The following NSMCE2 variants were observed in gnomAD, a reference collection of about 807,000 sequenced individuals.
NSMCE2 encodes the protein NSE2 SUMO ligase component of SMC5/6 complex.
A neutral mutation model predicts 23.8 loss-of-function variants in NSMCE2; 24 were observed. The ratio of observed to expected loss-of-function variants is 1.01; its 90% confidence interval spans 0.73 to 1.42. The LOEUF (loss-of-function observed/expected upper bound fraction) is 1.42, where lower values mean the gene tolerates loss of function less well. Among genes scored for constraint, NSMCE2 ranks in the 40% most tolerant of loss-of-function variants. The pLI is 0.00. For synonymous variants in NSMCE2, 92 were observed against 94.1 expected (o/e 0.98, Z 0.13); for missense variants, 284 against 296.5 (o/e 0.96, Z 0.31).
At chr8:125,265,831 C>G (rs191010387) in intron 5 of NSMCE2, among the ~76,000 whole-genome samples, 20 of 152,214 alleles carry the variant, frequency 1.3e-4, no homozygotes, top group African/African-American at 4.6e-4. Context: ...TTTAAATTTT[C>G]TCAGACTTGT....
intron 3 of NSMCE2, among the ~76,000 whole-genome samples, chr8:125,144,404 C>T (rs146309212): frequency 1.3e-5 from 2 of 152,340 alleles, no homozygotes; most frequent in African/African-American, 4.8e-5. Flanking sequence ...ATCTTCTGCT[C>T]TCCTATCTGC....
Position 125,224,897 on chromosome 8 carries a change from A to G in NSMCE2, c.418+42641A>G, listed in dbSNP as rs142541014. ...CTATTACGTAAACTGCCTCTTGTTG[A>G]TTGACTTTATTGAGGAAAAAGAAAA... On this transcript the variant is annotated intron_variant, in intron 5 of 7. Coordinates refer to ENST00000287437, the MANE Select transcript of NSMCE2 (RefSeq NM_173685.4). Among the ~76,000 whole-genome samples, 612 of 152,286 alleles carry G rather than the reference A, an allele frequency of 4.0e-3. 7 individuals carry two copies. Among genetic ancestry groups the G allele is most frequent in the African/African-American group, 0.013 (537 of 41,568 alleles).
At chr8:125,254,201 C>T (rs934422564) in intron 5 of NSMCE2, among the ~76,000 whole-genome samples, 2 of 152,124 alleles carry the variant, frequency 1.3e-5, no homozygotes, top group African/African-American at 4.8e-5. Context: ...TTGAAACACT[C>T]TGTGTTTCAG....
intron 5 of NSMCE2, among the ~76,000 whole-genome samples, chr8:125,319,935 G>A (rs1430643741): frequency 6.6e-6 from 1 of 152,018 alleles, no homozygotes; most frequent in African/African-American, 2.4e-5. Context: ...TAGCACTTTG[G>A]GAGGCCAAGG....
chr8:125,171,337 A>G (rs369953883), intron 4 of NSMCE2, among the ~76,000 whole-genome samples: 6 of 152,326 alleles, frequency 3.9e-5, no homozygotes, highest in African/African-American at 1.4e-4. Flanking sequence ...ATAGGCTCTA[A>G]GTAAATAGTT....
chr8:125,114,892 A>G (rs567101376), intron 3 of NSMCE2, among the ~76,000 whole-genome samples: 120 of 152,300 alleles, frequency 7.9e-4, no homozygotes, highest in Non-Finnish European at 1.1e-3. Flanking sequence ...GGTAAATAAT[A>G]CTTGGACCTT....
chr8:125,288,467 T>A (rs1827982184), intron 5 of NSMCE2, among the ~76,000 whole-genome samples: 1 of 152,200 alleles, frequency 6.6e-6, no homozygotes, highest in South Asian at 2.1e-4. Flanking sequence ...TCTGAGCTAT[T>A]TCTGTTGATT....
chr8:125,206,001 A>G (rs2130872479), intron 5 of NSMCE2, among the ~76,000 whole-genome samples: 1 of 152,368 alleles, frequency 6.6e-6, no homozygotes, highest in South Asian at 2.1e-4. Flanking sequence ...TTATATACAG[A>G]GATTTCTGTG....
chr8:125,315,195 G>A (rs141208611), intron 5 of NSMCE2, among the ~76,000 whole-genome samples: 1 of 152,230 alleles, frequency 6.6e-6, no homozygotes, highest in East Asian at 1.9e-4. Context: ...GTAGGGACAG[G>A]AGAAGTAGAT....
intron 5 of NSMCE2, among the ~76,000 whole-genome samples, chr8:125,295,221 A>G (rs918245672): frequency 2.0e-5 from 3 of 152,044 alleles, no homozygotes; most frequent in African/African-American, 7.2e-5. Context: ...CCAGTTTTTC[A>G]TCCATCTCTT....
At chr8:125,340,065 A>G (rs1433719807) in intron 5 of NSMCE2, among the ~76,000 whole-genome samples, 3 of 108,972 alleles carry the variant, frequency 2.8e-5, no homozygotes, top group Admixed American at 3.0e-4. Context: ...CCCAGGCGGG[A>G]GTGCAGTGGC....
At chr8:125,122,789 T>G (rs1259267965) in intron 3 of NSMCE2, among the ~76,000 whole-genome samples, 3 of 152,182 alleles carry the variant, frequency 2.0e-5, no homozygotes, top group African/African-American at 7.2e-5. Flanking sequence ...TACTTTAGCA[T>G]AAGGTATTCT....
chr8:125,176,253 A>G (rs925086731), intron 4 of NSMCE2, among the ~76,000 whole-genome samples: 28 of 152,208 alleles, frequency 1.8e-4, no homozygotes, highest in African/African-American at 5.3e-4. Flanking sequence ...TGCTCTTGCT[A>G]GAGTCTCTAG....
intron 3 of NSMCE2, among the ~76,000 whole-genome samples, chr8:125,150,405 C>CTTTTTTTTT (rs1245189892): frequency 9.5e-6 from 1 of 104,910 alleles, no homozygotes; most frequent in Admixed American, 9.4e-5. Context: ...TTTCTTTTTT[C>CTTTTTTTTT]TTTTTTTCTT....
At chr8:125,354,577 G>T (rs544507574) in intron 5 of NSMCE2, among the ~76,000 whole-genome samples, 1 of 152,222 alleles carries the variant, frequency 6.6e-6, no homozygotes, top group South Asian at 2.1e-4. Flanking sequence ...AAGCCCCGAG[G>T]CACTGCACCT....
chr8:125,142,449 G>T (rs1820426261), intron 3 of NSMCE2, among the ~76,000 whole-genome samples: 1 of 152,046 alleles, frequency 6.6e-6, no homozygotes, highest in Admixed American at 6.6e-5. Flanking sequence ...TGTGTTGGCG[G>T]GTAAACTAAA....
rs368883776 is a variant in NSMCE2 at position 125,102,381 on chromosome 8, C to T, written c.51C>T (p.Phe17=). 5.6e-6 allele frequency: 9 copies of T among 1,613,426 alleles called. No homozygotes were observed. The African/African-American group carries it at 1.1e-4, about 19-fold the overall frequency. Residue 17 remains phenylalanine (F), a synonymous_variant, in exon 3 of 8, where the codon TTC becomes TTT. Transcript: ENST00000287437. ...SNSGSTGFIS[F]SGVESALSSL... ...CAGGTTCAACTGGTTTCATCTCCTT[C>T]AGTGGTGTAGAGTCTGCTCTCTCCT...
At chr8:125,092,231 G>C (rs1047880855) in intron 1 of NSMCE2, among the ~76,000 whole-genome samples, 14 of 152,136 alleles carry the variant, frequency 9.2e-5, no homozygotes, top group African/African-American at 3.4e-4. Flanking sequence ...GCCACGGGAA[G>C]GTCGTTTGAA....
In NSMCE2 at chr8:125,182,198, T is replaced by A; in HGVS notation, c.360T>A (p.Phe120Leu). The A allele has an allele frequency of 6.2e-7, 1 of 1,608,130 alleles. No individual in the cohort carries two copies. The highest frequency in any genetic ancestry group is 8.5e-7 in the Non-Finnish European group (1 of 1,176,780). ...ALQSKNSDAD[F>L]QNNEKFVQFK... Reference sequence around the variant, plus strand: ...AGAGCAAGAATTCTGATGCAGACTTTCAAAATAATGAAAAATTTGTACAGT... The same window carrying A: ...AGAGCAAGAATTCTGATGCAGACTTACAAAATAATGAAAAATTTGTACAGT... The change falls in exon 5 of 8, where the codon TTT becomes TTA. Residue 120 changes from phenylalanine to leucine, a missense_variant. This residue lies in a region of NSMCE2 where 182 missense variants were observed against 155.5 expected (regional missense o/e 1.17). Transcript: ENST00000287437.
Sources: allele counts gnomAD v4.1 joint callset (sites outside exome capture counted in the v4.1 genomes callset), GRCh38; gene constraint gnomAD v4.1.1; regional missense constraint gnomAD v4.1.1; transcripts MANE v1.5; gene names NCBI Gene and HGNC (gene_info 2026-07-23, HGNC 2026-07-21).